Variants in MCPH1 observed in about 807,000 individuals in gnomAD.
MCPH1 encodes microcephalin.
MCPH1 carries 104 observed loss-of-function variants against 84.5 expected under a neutral mutation model. The ratio of observed to expected loss-of-function variants is 1.23; its 90% CI spans 1.05 to 1.45. The LOEUF (loss-of-function observed/expected upper bound fraction) is 1.45. Among genes scored for constraint, MCPH1 ranks in the 40% most tolerant of loss-of-function variants. MCPH1 has a pLI of 0.00. For missense variants in MCPH1, 1,498 were observed against 1,005.7 expected (o/e 1.49, Z -6.62); for synonymous variants, 514 against 366.8 (o/e 1.40, Z -4.58).
At chr8:6,631,714 T>C (rs1035470823) in intron 13 of MCPH1, among the ~76,000 whole-genome samples, 3 of 151,164 alleles carry the variant, frequency 2.0e-5, no homozygotes, top group African/African-American at 7.3e-5. Context: ...AATTGGAACC[T>C]TGTGTCTGCC....
chr8:6,562,957 C>A (rs1214182080), intron 12 of MCPH1: 2 of 1,558,902 alleles, frequency 1.3e-6, no homozygotes, highest in Non-Finnish European at 8.7e-7. Flanking sequence ...AATAAACCAG[C>A]AGCTTAGCAA....
rs757354040 is a variant in MCPH1, at chr8:6,445,146, A to C, written c.1424A>C (p.Asn475Thr). 1 of 1,614,106 alleles carries C rather than the reference A, an allele frequency of 6.2e-7. No homozygotes were observed. Among genetic ancestry groups the C allele is most frequent in the African/African-American group, 1.3e-5 (1 of 74,934 alleles). ...AAAACCAGAACAGTTGACATTACCA[A>C]TTTCACAGCAAAAACCATCTCCAGT... The part of the protein sequence containing the change: ...GKKTRTVDIT[N>T]FTAKTISSPR... The change falls in exon 8 of 14, where the codon AAT becomes ACT. Residue 475 changes from asparagine (N) to threonine (T), a missense_variant. By Grantham distance (65) the Asn-to-Thr change is moderately conservative (BLOSUM62 0). Transcript: ENST00000344683.
At chr8:6,436,454 T>A (rs192209352) in intron 5 of MCPH1, among the ~76,000 whole-genome samples, 2 of 152,338 alleles carry the variant, frequency 1.3e-5, no homozygotes, top group East Asian at 3.9e-4. Context: ...TAATAAGCAT[T>A]ATTGAAATAA....
intron 9 of MCPH1, among the ~76,000 whole-genome samples, chr8:6,473,434 C>T (rs1321669723): frequency 1.4e-5 from 2 of 144,162 alleles, no homozygotes; most frequent in East Asian, 2.1e-4. Context: ...CAGGTTCACG[C>T]CATTCTCCTG....
At chr8:6,507,153 C>T (rs1411425725) in intron 12 of MCPH1, among the ~76,000 whole-genome samples, 1 of 152,198 alleles carries the variant, frequency 6.6e-6, no homozygotes, top group Non-Finnish European at 1.5e-5. Flanking sequence ...CCACCTTGGC[C>T]TCCCAAAGTG....
At chr8:6,642,889 G>A in intron 13 of MCPH1, 105 bp from the exon 14 acceptor site, 1 of 1,053,454 alleles carries the variant, frequency 9.5e-7, no homozygotes, top group Non-Finnish European at 1.4e-6. Context: ...CACAGCTCTT[G>A]GCTATTTGTT....
intron 12 of MCPH1, among the ~76,000 whole-genome samples, chr8:6,589,056 C>CA (rs1248624558): frequency 6.6e-6 from 1 of 152,166 alleles, no homozygotes; most frequent in African/African-American, 2.4e-5. Context: ...TGTATGAAAA[C>CA]AAAAGTACAA....
rs114746664 is a variant in MCPH1 at position 6,607,716 on chromosome 8, G to T, written c.2215-13738G>T. On this transcript the variant is annotated intron_variant, in intron 12 of 13. Coordinates refer to ENST00000344683, the MANE Select transcript of MCPH1 (RefSeq NM_024596.5). The stretch of plus-strand genomic sequence containing the variant: ...TCATGAGATCTGATGGTGAATAAGG[G>T]GAAATGCCTTTCACTTGCTTCCCAT... 2.9e-3 allele frequency among the ~76,000 whole-genome samples: 438 copies of T among 152,308 alleles called. 2 individuals are homozygous for T. Among genetic ancestry groups the T allele is most frequent in the African/African-American group, 9.9e-3 (411 of 41,574 alleles).
chr8:6,596,413 C>T (rs1828929680), intron 12 of MCPH1, among the ~76,000 whole-genome samples: 1 of 152,182 alleles, frequency 6.6e-6, no homozygotes, highest in Non-Finnish European at 1.5e-5. Context: ...AGGAATTTTT[C>T]TGCTAAGGGA....
intron 5 of MCPH1, 71 bp downstream of exon 5, chr8:6,436,233 A>C: frequency 6.7e-7 from 1 of 1,485,304 alleles, no homozygotes; most frequent in Non-Finnish European, 9.3e-7. Flanking sequence ...CATGATGACT[A>C]GTGGGGTTCA....
intron 12 of MCPH1, among the ~76,000 whole-genome samples, chr8:6,511,204 G>A (rs761642024): frequency 6.6e-6 from 1 of 152,054 alleles, no homozygotes; most frequent in African/African-American, 2.4e-5. Flanking sequence ...TCCTTTTGTG[G>A]CCCACTGGTT....
intron 1 of MCPH1, 164 bp downstream of exon 1, chr8:6,406,853 TCCCACCAAAACCC>T (rs1797771873): frequency 7.8e-5 from 3 of 38,244 alleles, no homozygotes; most frequent in South Asian, 4.9e-4. Flanking sequence ...CCGCTGCCTG[TCCCACCAAAACCC>T]CCTGCTCCTG....
chr8:6,639,425 C>T (rs1797778967), intron 13 of MCPH1, among the ~76,000 whole-genome samples: 1 of 152,140 alleles, frequency 6.6e-6, no homozygotes, highest in South Asian at 2.1e-4. Flanking sequence ...CTTTGGGAAG[C>T]CAAGGTGAGT....
chr8:6,612,093 A>G (rs2129579429), intron 12 of MCPH1, among the ~76,000 whole-genome samples: 1 of 152,196 alleles, frequency 6.6e-6, no homozygotes, highest in Non-Finnish European at 1.5e-5. Flanking sequence ...ATTAGCATAC[A>G]CGCAGGTAGG....
At chr8:6,502,673 G>C (rs1812424515) in intron 12 of MCPH1, 1 of 155,178 alleles carries the variant, frequency 6.4e-6, no homozygotes, top group African/African-American at 2.4e-5. Context: ...GGTGAATTCA[G>C]GACATATGGG....
rs552221829 is a variant in MCPH1, at chr8:6,646,097, C to T, written c.*3048C>T. On this transcript the variant is annotated 3_prime_UTR_variant, in exon 14 of 14. Coordinates refer to ENST00000344683, the MANE Select transcript of MCPH1 (RefSeq NM_024596.5). ...GAGCAAAGTTGGAGGATTTATAGAA[C>T]CTGATTCCAAAACTGTCAGTAAAAC... The T allele has an allele frequency of 2.0e-5, 3 of 152,124 alleles. No homozygotes were observed. Among genetic ancestry groups the T allele is most frequent in the African/African-American group, 7.2e-5 (3 of 41,412 alleles). 9.4% of individuals were successfully genotyped at this position (152,124 alleles called of 1,614,324 possible).
At chr8:6,508,824 A>G (rs538726593) in intron 12 of MCPH1, 1 of 1,476,888 alleles carries the variant, frequency 6.8e-7, no homozygotes, top group African/African-American at 1.4e-5. Context: ...TACGTATGAA[A>G]TTGTGGACAT....
At position 6,519,692 on chromosome 8, in the gene MCPH1, C is replaced by A. The variant is rs901135699; in HGVS notation, c.2214+19763C>A. Among the ~76,000 whole-genome samples the A allele has an allele frequency of 5.9e-5, 9 of 152,324 alleles. No individual in the cohort carries two copies. The East Asian group carries it at 1.5e-3, about 26-fold the overall frequency. On this transcript the variant is annotated intron_variant, in intron 12 of 13. Transcript: ENST00000344683. ...TTGTATTTTCTGCACAGCAGCGGCA[C>A]TTAGAGCCCTTGGCAAGCACTCTAG...
intron 12 of MCPH1, among the ~76,000 whole-genome samples, chr8:6,577,599 T>C (rs989391593): frequency 2.0e-4 from 30 of 152,388 alleles, no homozygotes; most frequent in Middle Eastern, 3.4e-3. Flanking sequence ...GGGCTTGCAT[T>C]TGAATATCTT....
Sources: allele counts gnomAD v4.1 joint callset (sites outside exome capture counted in the v4.1 genomes callset), GRCh38; gene constraint gnomAD v4.1.1; transcripts MANE v1.5; gene names NCBI Gene and HGNC (gene_info 2026-07-23, HGNC 2026-07-21).